Variants in UBASH3B observed in about 807,000 individuals in gnomAD.
The protein encoded by UBASH3B is ubiquitin-associated and SH3 domain-containing protein B.
In UBASH3B, 37 loss-of-function variants were observed where a neutral mutation model predicts 83.4. That is an observed-to-expected ratio of 0.44 (90% CI 0.34 to 0.58). The LOEUF (loss-of-function observed/expected upper bound fraction) is 0.58. Ranked by LOEUF, UBASH3B falls within the 20% of genes least tolerant of loss-of-function variation. UBASH3B has a pLI of 0.01. For synonymous variants in UBASH3B, 304 were observed against 318.3 expected (o/e 0.96, Z 0.48); for missense variants, 657 against 827.2 (o/e 0.79, Z 2.52).
intron 1 of UBASH3B, among the ~76,000 whole-genome samples, chr11:122,672,320 T>A (rs1010446581): frequency 2.6e-5 from 4 of 151,930 alleles, no homozygotes; most frequent in African/African-American, 4.8e-5. Flanking sequence ...GATGCCTATT[T>A]TGTGAACTTT....
intron 6 of UBASH3B, 85 bp downstream of exon 6, chr11:122,789,393 G>A: frequency 4.9e-6 from 7 of 1,426,516 alleles, no homozygotes; most frequent in Non-Finnish European, 6.8e-6. Context: ...AGCAGTAAAT[G>A]GAGTCCATGG....
intron 1 of UBASH3B, among the ~76,000 whole-genome samples, chr11:122,730,244 T>G (rs1860819597): frequency 6.6e-6 from 1 of 152,060 alleles, no homozygotes. Flanking sequence ...CGAGATGGCT[T>G]GGTGGCTGTG....
rs751679167 is a variant in UBASH3B at position 122,656,014 on chromosome 11, C to T, written c.-36C>T. 1 of 1,511,426 alleles carries T rather than the reference C, an allele frequency of 6.6e-7. No individual in the cohort carries two copies. The highest frequency in any genetic ancestry group is 8.9e-7 in the Non-Finnish European group (1 of 1,126,328). 93.6% of individuals were successfully genotyped at this position (1,511,426 alleles called of 1,614,324 possible). A position where few individuals can be genotyped will look rare whatever the true frequency, so the allele number is the denominator to read the frequency against. On this transcript the variant is annotated 5_prime_UTR_variant, in exon 1 of 14. Transcript: ENST00000284273. ...CTCCTCCTTCCCGAACCATCCGGCTCGGGCTCCTTCCCTGGCGATGGCTGG... is the reference window on the plus strand; with the variant it reads ...CTCCTCCTTCCCGAACCATCCGGCTTGGGCTCCTTCCCTGGCGATGGCTGG...
intron 1 of UBASH3B, among the ~76,000 whole-genome samples, chr11:122,690,237 TA>T (rs1476394482): frequency 3.3e-4 from 37 of 113,168 alleles, no homozygotes; most frequent in African/African-American, 1.1e-3. Flanking sequence ...TATCCAATTT[TA>T]TATATATATA....
intron 1 of UBASH3B, among the ~76,000 whole-genome samples, chr11:122,766,798 T>C (rs1252691975): frequency 1.3e-5 from 2 of 152,182 alleles, no homozygotes; most frequent in African/African-American, 4.8e-5. Flanking sequence ...TAGGATATAG[T>C]AACAAACATC....
chr11:122,688,655 A>ATTTTATTTTATTTTATTTTATTTTTTT (rs1423733068), intron 1 of UBASH3B, among the ~76,000 whole-genome samples: 8 of 95,022 alleles, frequency 8.4e-5, no homozygotes, highest in African/African-American at 2.6e-4. Context: ...ATTTTATTTT[A>ATTTTATTTTATTTTATTTTATTTTTTT]TTTTTTTGAG....
intron 7 of UBASH3B, among the ~76,000 whole-genome samples, chr11:122,795,486 C>T (rs1011475306): frequency 2.6e-5 from 4 of 152,200 alleles, no homozygotes; most frequent in East Asian, 1.9e-4. Context: ...ATCAGAAAGA[C>T]GGAATGCAGA....
chr11:122,775,996 A>G (rs1450209979), intron 1 of UBASH3B: 4 of 473,942 alleles, frequency 8.4e-6, no homozygotes, highest in Non-Finnish European at 1.5e-5. Context: ...GTCAGACTGC[A>G]TGCAAATCTG....
chr11:122,776,351 C>T, intron 2 of UBASH3B, 79 bp downstream of exon 2: 1 of 1,357,844 alleles, frequency 7.4e-7, no homozygotes, highest in Non-Finnish European at 1.0e-6. Context: ...GAGGTGCAGA[C>T]TTTCTCTAAT....
intron 4 of UBASH3B, among the ~76,000 whole-genome samples, chr11:122,781,567 C>T (rs73020279): frequency 0.018 from 2,749 of 152,280 alleles, 27 homozygotes; most frequent in Non-Finnish European, 0.028. Flanking sequence ...AGAACTTGGC[C>T]GGCTTCGTTT....
At chr11:122,665,197 C>T (rs1471836621) in intron 1 of UBASH3B, among the ~76,000 whole-genome samples, 2 of 151,152 alleles carry the variant, frequency 1.3e-5, no homozygotes, top group African/African-American at 2.4e-5. Flanking sequence ...GCGCCCGGCT[C>T]GTGTGTGTTT....
Position 122,721,015 on chromosome 11 carries a change from G to C in UBASH3B, c.162-55204G>C, listed in dbSNP as rs914944457. 2.0e-5 allele frequency among the ~76,000 whole-genome samples: 3 copies of C among 152,022 alleles called. No individual in the cohort carries two copies. The East Asian group carries it at 5.8e-4, about 29-fold the overall frequency. On this transcript the variant is annotated intron_variant, in intron 1 of 13. Coordinates refer to ENST00000284273, the MANE Select transcript of UBASH3B (RefSeq NM_032873.5). ...AATCCCAGCACTTTGGGAGGCCGAG[G>C]TGGGCAGATCACAAGGTCAGGAGAT...
In UBASH3B at chr11:122,783,059, A is replaced by C; in HGVS notation, c.608A>C (p.His203Pro). 4 of 1,611,828 alleles carry C rather than the reference A, an allele frequency of 2.5e-6. No individual in the cohort carries two copies. Among genetic ancestry groups the C allele is most frequent in the Non-Finnish European group, 3.4e-6 (4 of 1,179,238 alleles). Residue 203 changes from histidine (H) to proline (P), a missense_variant, in exon 5 of 14, where the codon CAT (histidine) becomes CCT (proline). Physicochemically the swap from His to Pro is moderately conservative, Grantham distance 77. This residue lies in a region of UBASH3B where 573 missense variants were observed against 739.0 expected (regional missense o/e 0.78). Transcript: ENST00000284273. ...AAEAASKTEVHVEPHKKQLHV... is the reference protein window; with the variant it reads ...AAEAASKTEVPVEPHKKQLHV... ...TTTTTCTTCCTTTTTCCAGAAGTGC[A>C]TGTGGAACCTCATAAGAAGCAGCTA...
rs745457672 is a variant in UBASH3B, at chr11:122,699,503, T to TTCTTTCTTTCTTTC, written c.161+43323_161+43336dup. Among the ~76,000 whole-genome samples, 53 of 141,130 alleles carry TTCTTTCTTTCTTTC rather than the reference T, an allele frequency of 3.8e-4. 2 individuals carry two copies. Among genetic ancestry groups the TTCTTTCTTTCTTTC allele is most frequent in the African/African-American group, 1.4e-3 (50 of 35,208 alleles). 92.6% of individuals were successfully genotyped at this position (141,130 alleles called of 152,430 possible). A position where few individuals can be genotyped will look rare whatever the true frequency, so the allele number is the denominator to read the frequency against. ...ATGACTGATTTTTCTTTTTAAATCTTTCTTTCTTTCTTTCTCTTTCTTTCT... is the reference window on the plus strand; with the variant it reads ...ATGACTGATTTTTCTTTTTAAATCTTTCTTTCTTTCTTTCTCTTTCTTTCTTTCTCTTTCTTTCT... On this transcript the variant is annotated intron_variant, in intron 1 of 13. Transcript: ENST00000284273.
chr11:122,705,568 A>G (rs1195175626), intron 1 of UBASH3B, among the ~76,000 whole-genome samples: 5 of 152,062 alleles, frequency 3.3e-5, no homozygotes, highest in Admixed American at 3.3e-4. Context: ...TTTACACGCT[A>G]TGACAGTGTC....
chr11:122,670,027 C>G (rs1432295262), intron 1 of UBASH3B, among the ~76,000 whole-genome samples: 1 of 152,182 alleles, frequency 6.6e-6, no homozygotes, highest in African/African-American at 2.4e-5. Flanking sequence ...GAACTGGGGT[C>G]AAGAGGGCAA....
intron 1 of UBASH3B, among the ~76,000 whole-genome samples, chr11:122,767,306 T>TTTTCGTTTTG (rs1860561700): frequency 1.3e-5 from 2 of 150,044 alleles, no homozygotes; most frequent in African/African-American, 4.9e-5. Flanking sequence ...TAAAGGTTTC[T>TTTTCGTTTTG]TTTTGTTTTG....
chr11:122,729,805 A>AAAC (rs956755745), intron 1 of UBASH3B, among the ~76,000 whole-genome samples: 1 of 143,736 alleles, frequency 7.0e-6, no homozygotes, highest in Non-Finnish European at 1.5e-5. Flanking sequence ...CAAAAAAAAA[A>AAAC]AAAAAAAAAA....
intron 5 of UBASH3B, among the ~76,000 whole-genome samples, chr11:122,788,814 G>A (rs1157871674): frequency 6.6e-6 from 1 of 152,130 alleles, no homozygotes; most frequent in Non-Finnish European, 1.5e-5. Flanking sequence ...AGGATTTCAG[G>A]TCAATTTCCA....
Sources: allele counts gnomAD v4.1 joint callset (sites outside exome capture counted in the v4.1 genomes callset), GRCh38; gene constraint gnomAD v4.1.1; regional missense constraint gnomAD v4.1.1; transcripts MANE v1.5; gene names NCBI Gene and HGNC (gene_info 2026-07-23, HGNC 2026-07-21).